Variants in METTL15 observed in about 807,000 individuals in gnomAD.
METTL15 encodes the protein methyltransferase 15, mitochondrial 12S rRNA N4-cytidine.
METTL15 carries 34 observed loss-of-function variants against 38.3 expected under a neutral mutation model. The observed-to-expected ratio is 0.89, with a 90% CI of 0.68 to 1.18. METTL15 has a LOEUF of 1.18. METTL15 is among the 50% of genes most tolerant of loss of function. The probability of loss-of-function intolerance (pLI) is 0.00; values close to 1 mark genes in which losing one functional copy is unlikely to be tolerated. For missense variants in METTL15, 438 were observed against 498.4 expected (o/e 0.88, Z 1.15); for synonymous variants, 162 against 170.9 (o/e 0.95, Z 0.41).
intron 6 of METTL15, among the ~76,000 whole-genome samples, chr11:28,489,081 CAA>C (rs1278356176): frequency 2.0e-5 from 3 of 152,110 alleles, no homozygotes; most frequent in Non-Finnish European, 4.4e-5. Flanking sequence ...GCTCTTCAAG[CAA>C]TCACTACCAA....
intron 3 of METTL15, among the ~76,000 whole-genome samples, chr11:28,177,361 T>C (rs1198620009): frequency 6.6e-6 from 1 of 151,950 alleles, no homozygotes; most frequent in African/African-American, 2.4e-5. Context: ...TCAAGAAAAA[T>C]GCTGGTTTCT....
At chr11:28,281,199 T>G (rs574966240) in intron 4 of METTL15, among the ~76,000 whole-genome samples, 2 of 152,334 alleles carry the variant, frequency 1.3e-5, no homozygotes, top group East Asian at 3.9e-4. Flanking sequence ...TTGAGTTGAT[T>G]GGAAACTGAA....
Position 28,499,123 on chromosome 11 carries a change from T to G in METTL15, c.*425-27355T>G, listed in dbSNP as rs144114302. 3.7e-3 allele frequency among the ~76,000 whole-genome samples: 569 copies of G among 152,288 alleles called. 2 individuals are homozygous for G. The highest frequency in any genetic ancestry group is 0.013 in the African/African-American group (557 of 41,566). On this transcript the variant is annotated intron_variant and NMD_transcript_variant, in intron 6 of 7. Transcript: ENST00000532947. ...CGTTGTCTACCTCTGGCTTTCTACC[T>G]TGCCTCAGATTCAGGGGTCTACCTC...
chr11:28,348,053 C>T (rs887796285), intron 3 of METTL15, among the ~76,000 whole-genome samples: 9 of 152,184 alleles, frequency 5.9e-5, no homozygotes, highest in Admixed American at 5.9e-4. Flanking sequence ...TGAGATTGCA[C>T]ATGATATCTA....
intron 5 of METTL15, among the ~76,000 whole-genome samples, chr11:28,419,265 C>T (rs576799278): frequency 1.3e-5 from 2 of 152,246 alleles, no homozygotes; most frequent in East Asian, 3.9e-4. Flanking sequence ...CCTGTGTGAC[C>T]TCTCCCCCAG....
At chr11:28,322,467 G>T (rs377761398) in intron 6 of METTL15, among the ~76,000 whole-genome samples, 1 of 152,100 alleles carries the variant, frequency 6.6e-6, no homozygotes, top group Non-Finnish European at 1.5e-5. Flanking sequence ...GGTAAGCTAA[G>T]ATTTACCTAC....
chr11:28,283,434 T>G (rs1240580723), intron 4 of METTL15, among the ~76,000 whole-genome samples: 2 of 152,164 alleles, frequency 1.3e-5, no homozygotes, highest in African/African-American at 4.8e-5. Context: ...GGACTGATTT[T>G]TATAATTTGT....
At chr11:28,275,655 A>AG (rs1270588583) in intron 4 of METTL15, among the ~76,000 whole-genome samples, 1 of 151,666 alleles carries the variant, frequency 6.6e-6, no homozygotes, top group Non-Finnish European at 1.5e-5. Flanking sequence ...AAAAAAAAAA[A>AG]AGTCTACAGG....
At chr11:28,465,786 G>C (rs1456310694) in intron 6 of METTL15, among the ~76,000 whole-genome samples, 2 of 151,964 alleles carry the variant, frequency 1.3e-5, no homozygotes, top group Non-Finnish European at 2.9e-5. Flanking sequence ...TTTGTTGTGG[G>C]GGCGCTCCTG....
At chr11:28,531,633 T>G (rs1164844859), downstream of METTL15, among the ~76,000 whole-genome samples, 1 of 152,090 alleles carries the variant, frequency 6.6e-6, no homozygotes, top group Non-Finnish European at 1.5e-5. Flanking sequence ...CTAAGTTAGA[T>G]GGTATTGATT....
At chr11:28,182,598 C>G (rs1851332598) in intron 3 of METTL15, among the ~76,000 whole-genome samples, 1 of 152,008 alleles carries the variant, frequency 6.6e-6, no homozygotes, top group Non-Finnish European at 1.5e-5. Context: ...GGGCTCTGTT[C>G]TGTTTCATTG....
intron 5 of METTL15, among the ~76,000 whole-genome samples, chr11:28,292,938 G>A (rs1698947247): frequency 6.6e-6 from 1 of 152,112 alleles, no homozygotes; most frequent in Non-Finnish European, 1.5e-5. Context: ...GGAGTTCATT[G>A]TAGATTCTGG....
intron 3 of METTL15, among the ~76,000 whole-genome samples, chr11:28,115,542 G>C (rs1331428737): frequency 6.6e-6 from 1 of 152,114 alleles, no homozygotes; most frequent in Non-Finnish European, 1.5e-5. Context: ...ACAGGTGTGA[G>C]CCAACACACC....
intron 6 of METTL15, among the ~76,000 whole-genome samples, chr11:28,310,908 CTGCTGCTGGTGGTGG>C (rs1222956076): frequency 5.9e-5 from 5 of 85,244 alleles, no homozygotes; most frequent in African/African-American, 8.9e-5. Context: ...GCTGCTGCTG[CTGCTGCTGGTGGTGG>C]TGGTGGTGGT....
chr11:28,429,821 G>A (rs1356518414), intron 6 of METTL15, among the ~76,000 whole-genome samples: 2 of 41,394 alleles, frequency 4.8e-5, no homozygotes, highest in African/African-American at 1.0e-4. Context: ...GCCGCCCATC[G>A]TCTGGGATGT....
At chr11:28,134,349 A>G (rs1849442025) in intron 3 of METTL15, among the ~76,000 whole-genome samples, 2 of 152,170 alleles carry the variant, frequency 1.3e-5, no homozygotes, top group Non-Finnish European at 2.9e-5. Flanking sequence ...CTATTTGTAT[A>G]AAGCGCAAAT....
chr11:28,408,829 A>G (rs944421968), intron 5 of METTL15, among the ~76,000 whole-genome samples: 3 of 152,190 alleles, frequency 2.0e-5, no homozygotes, highest in Admixed American at 2.0e-4. Flanking sequence ...TTGATCAGGT[A>G]TGTATCTCTG....
intron 3 of METTL15, among the ~76,000 whole-genome samples, chr11:28,349,257 C>A (rs900283466): frequency 2.4e-5 from 2 of 83,932 alleles, no homozygotes; most frequent in African/African-American, 9.6e-5. Flanking sequence ...TCTGCTCAAT[C>A]TCCCTGGGTG....
intron 3 of METTL15, among the ~76,000 whole-genome samples, chr11:28,340,007 A>T (rs2133353359): frequency 6.6e-6 from 1 of 152,280 alleles, no homozygotes; most frequent in Middle Eastern, 3.4e-3. Flanking sequence ...CATGAGAATT[A>T]TGGTTACAAA....
Sources: gnomAD v4.1 joint callset for allele counts (sites outside exome capture counted in the v4.1 genomes callset) on GRCh38, gnomAD v4.1.1 for gene constraint, MANE v1.5 for transcripts, NCBI Gene and HGNC (gene_info 2026-07-23, HGNC 2026-07-21) for gene names.